Variants in ITPR1 observed in about 807,000 individuals in gnomAD.
ITPR1 encodes inositol 1,4,5-trisphosphate receptor type 1.
In ITPR1, 96 loss-of-function variants were observed where a neutral mutation model predicts 318.4. The ratio of observed to expected loss-of-function variants is 0.30; its 90% CI spans 0.26 to 0.36. The LOEUF (loss-of-function observed/expected upper bound fraction) is 0.36, where lower values mean the gene tolerates loss of function less well. ITPR1 is among the 10% of genes least tolerant of loss of function. ITPR1 has a pLI of 1.00. For missense variants in ITPR1, 2,440 were observed against 3,460.2 expected (o/e 0.71, Z 7.40); for synonymous variants, 1,312 against 1,289.9 (o/e 1.02, Z -0.37).
chr3:4,677,300 C>A (rs530710311), intron 24 of ITPR1, among the ~76,000 whole-genome samples: 2 of 152,232 alleles, frequency 1.3e-5, no homozygotes, highest in South Asian at 2.1e-4. Context: ...CTAGAATTTA[C>A]ATTTTGATAG....
At chr3:4,638,605 G>T (rs533720254) in intron 5 of ITPR1, among the ~76,000 whole-genome samples, 1 of 152,264 alleles carries the variant, frequency 6.6e-6, no homozygotes, top group African/African-American at 2.4e-5. Flanking sequence ...CTTAATAAAT[G>T]CATGGTTTAA....
intron 52 of ITPR1, among the ~76,000 whole-genome samples, chr3:4,794,024 A>G (rs1158567627): frequency 6.6e-6 from 1 of 152,182 alleles, no homozygotes; most frequent in African/African-American, 2.4e-5. Context: ...TGATGACTTC[A>G]TTGGGAAAAA....
chr3:4,734,811 G>A (rs2043162517), intron 43 of ITPR1, among the ~76,000 whole-genome samples: 1 of 152,216 alleles, frequency 6.6e-6, no homozygotes, highest in South Asian at 2.1e-4. Flanking sequence ...GTTTGACTTT[G>A]GTTTGTTTCT....
intron 4 of ITPR1, among the ~76,000 whole-genome samples, chr3:4,584,908 T>C (rs1432472092): frequency 6.6e-6 from 1 of 152,046 alleles, no homozygotes; most frequent in African/African-American, 2.4e-5. Flanking sequence ...ATACAAGACA[T>C]CTAGAAATCG....
intron 60 of ITPR1, among the ~76,000 whole-genome samples, chr3:4,818,634 C>G (rs551802851): frequency 6.6e-6 from 1 of 152,094 alleles, no homozygotes; most frequent in African/African-American, 2.4e-5. Flanking sequence ...TAAGAGGTGT[C>G]TTAGAGGCAA....
In ITPR1 at chr3:4,706,294, C is replaced by T. The variant is rs2094755597; in HGVS notation, c.4785C>T (p.Arg1595=). ...GGCTCTCAGCCCGCAATGCCGCACG[C>T]AGGGACTCTGTTCTGGCAGCTTCCA... ...NWRLSARNAA[R]RDSVLAASRD... The change falls in exon 37 of 62, where the codon CGC becomes CGT. Residue 1595 remains arginine (R), a synonymous_variant. Transcript: ENST00000649015. 3 of 1,613,910 alleles carry T rather than the reference C, an allele frequency of 1.9e-6. No individual in the cohort carries two copies. The highest frequency in any genetic ancestry group is 4.5e-5 in the East Asian group (2 of 44,898).
intron 4 of ITPR1, among the ~76,000 whole-genome samples, chr3:4,609,268 T>C (rs1395278634): frequency 6.6e-6 from 1 of 151,146 alleles, no homozygotes; most frequent in Non-Finnish European, 1.5e-5. Context: ...AAGAAAAAGC[T>C]TGACAGTCAT....
chr3:4,647,873 C>T (rs960973598), intron 10 of ITPR1, among the ~76,000 whole-genome samples: 9 of 152,204 alleles, frequency 5.9e-5, no homozygotes, highest in African/African-American at 1.4e-4. Context: ...CAAGTTCAGC[C>T]GGACATGGTG....
intron 4 of ITPR1, among the ~76,000 whole-genome samples, chr3:4,532,792 A>G (rs986272652): frequency 2.6e-5 from 4 of 152,244 alleles, no homozygotes; most frequent in African/African-American, 9.6e-5. Context: ...CCAGAGCAAT[A>G]GAGAATGAGG....
In ITPR1 at chr3:4,586,261, C is replaced by T. The variant is rs2089889406; in HGVS notation, c.164-41502C>T. 2.0e-5 allele frequency among the ~76,000 whole-genome samples: 3 copies of T among 152,092 alleles called. No individual in the cohort carries two copies. The South Asian group carries it at 6.2e-4, about 32-fold the overall frequency. The stretch of plus-strand genomic sequence containing the variant: ...ACATGCACTTTTAATACTTTTGTTG[C>T]ACCTGTTCTGTTCTGAAAGCTTTAC... On this transcript the variant is annotated intron_variant, in intron 4 of 61. Transcript: ENST00000649015.
chr3:4,589,023 A>G (rs969495379), intron 4 of ITPR1, among the ~76,000 whole-genome samples: 5 of 152,082 alleles, frequency 3.3e-5, no homozygotes, highest in Admixed American at 6.5e-5. Context: ...ACTGCACTTC[A>G]TAGCAAGAAA....
chr3:4,525,241 C>T (rs996669573), intron 4 of ITPR1, among the ~76,000 whole-genome samples: 1 of 152,158 alleles, frequency 6.6e-6, no homozygotes, highest in Non-Finnish European at 1.5e-5. Flanking sequence ...TAGGGTCAAA[C>T]AATTCCATCC....
intron 44 of ITPR1, 120 bp from the exon 45 acceptor site, chr3:4,766,410 A>G: frequency 1.3e-6 from 1 of 748,614 alleles, no homozygotes; most frequent in Non-Finnish European, 2.2e-6. Flanking sequence ...GTTGATCTAA[A>G]CTTAGATCAT....
chr3:4,765,834 T>C (rs1307540091), intron 44 of ITPR1, among the ~76,000 whole-genome samples: 7 of 152,208 alleles, frequency 4.6e-5, no homozygotes, highest in African/African-American at 1.2e-4. Context: ...CAAAAACAAA[T>C]GTGTATCCAA....
chr3:4,624,423 C>G (rs1375548521), intron 4 of ITPR1, among the ~76,000 whole-genome samples: 1 of 152,180 alleles, frequency 6.6e-6, no homozygotes, highest in Non-Finnish European at 1.5e-5. Flanking sequence ...AATCCCAGCA[C>G]TTTGGGAGGC....
At chr3:4,665,018 T>G in intron 16 of ITPR1, 120 bp from the exon 17 acceptor site, 1 of 1,009,526 alleles carries the variant, frequency 9.9e-7, no homozygotes, top group Non-Finnish European at 1.5e-6. Flanking sequence ...ATGGATGTGT[T>G]GGGATAGAGA....
rs946006207 is a variant in ITPR1, at chr3:4,586,039, G to A, written c.164-41724G>A. 2.7e-4 allele frequency among the ~76,000 whole-genome samples: 41 copies of A among 151,260 alleles called. 1 individual carries two copies. The highest frequency in any genetic ancestry group is 1.0e-3 in the Admixed American group (15 of 15,074). ...GTAGTGTTTGGTTTTCTGTCCTTGT[G>A]ATAGTTTGCTGAGAATGATGGTTTC... On this transcript the variant is annotated intron_variant, in intron 4 of 61. Transcript: ENST00000649015.
At chr3:4,564,933 G>C (rs752515439) in intron 4 of ITPR1, among the ~76,000 whole-genome samples, 1 of 152,196 alleles carries the variant, frequency 6.6e-6, no homozygotes, top group Non-Finnish European at 1.5e-5. Context: ...ACGCAGTTCA[G>C]TTCATAAAAG....
chr3:4,676,694 A>G lies in ITPR1; in HGVS notation c.2860A>G (p.Met954Val), dbSNP rs759656449. ...VVLRGGGFLP[M>V]TPMAAAPEGN... The stretch of plus-strand genomic sequence containing the variant: ...GCTCCGGGGAGGAGGCTTTTTGCCC[A>G]TGACTCCCATGGCTGCTGCCCCTGA... The change falls in exon 24 of 62, where the codon ATG becomes GTG. Residue 954 changes from methionine (M) to valine (V), a missense_variant. Transcript: ENST00000649015. The G allele has an allele frequency of 2.5e-6, 4 of 1,613,722 alleles. No individual in the cohort carries two copies. Among genetic ancestry groups the G allele is most frequent in the Non-Finnish European group, 2.5e-6 (3 of 1,179,802 alleles).
Sources: allele counts gnomAD v4.1 joint callset (sites outside exome capture counted in the v4.1 genomes callset), GRCh38; gene constraint gnomAD v4.1.1; transcripts MANE v1.5; gene names NCBI Gene and HGNC (gene_info 2026-07-23, HGNC 2026-07-21).